Variants in NUDCD3 observed in about 807,000 individuals in gnomAD.
NUDCD3 encodes nudC domain-containing protein 3.
NUDCD3 carries 13 observed loss-of-function variants against 39.7 expected under a neutral mutation model. The ratio of observed to expected loss-of-function variants is 0.33; its 90% CI spans 0.21 to 0.52. The LOEUF (loss-of-function observed/expected upper bound fraction) is 0.52, where lower values mean the gene tolerates loss of function less well. Among genes scored for constraint, NUDCD3 ranks in the 20% least tolerant of loss-of-function variants. The pLI is 0.96. For missense variants in NUDCD3, 453 were observed against 458.1 expected (o/e 0.99, Z 0.10); for synonymous variants, 175 against 172.4 (o/e 1.02, Z -0.12).
chr7:44,459,009 T>G (rs529463227), intron 2 of NUDCD3, among the ~76,000 whole-genome samples: 1 of 151,386 alleles, frequency 6.6e-6, no homozygotes, highest in South Asian at 2.1e-4. Context: ...TACAAGCATG[T>G]GTATGAGCCT....
At chr7:44,426,795 C>CAAA (rs777817601) in intron 3 of NUDCD3, among the ~76,000 whole-genome samples, 3 of 54,770 alleles carry the variant, frequency 5.5e-5, no homozygotes, top group South Asian at 5.8e-4. Context: ...GACTCCGTCT[C>CAAA]AAAAAAAAAA....
intron 3 of NUDCD3, among the ~76,000 whole-genome samples, chr7:44,407,810 A>G (rs1292483112): frequency 6.6e-6 from 1 of 152,198 alleles, no homozygotes; most frequent in Non-Finnish European, 1.5e-5. Flanking sequence ...ACAGTAGCTA[A>G]AATTAAACTT....
rs146979200 is a variant in NUDCD3 at position 44,423,879 on chromosome 7, C to T, written c.642+3692G>A. Among the ~76,000 whole-genome samples the T allele has an allele frequency of 6.2e-3, 940 of 152,266 alleles. 7 individuals are homozygous for T. Among genetic ancestry groups the T allele is most frequent in the African/African-American group, 0.022 (898 of 41,544 alleles). ...GAACAAGGCTGAAGGCATCATGCTA[C>T]CTGACTTCAAACTATACTACAAGGC... On this transcript the variant is annotated intron_variant, in intron 3 of 5. Coordinates refer to ENST00000355451, the MANE Select transcript of NUDCD3 (RefSeq NM_015332.4).
rs188457839 is a variant in NUDCD3 at position 44,425,086 on chromosome 7, G to A, written c.642+2485C>T. Among the ~76,000 whole-genome samples the A allele has an allele frequency of 2.0e-5, 3 of 152,200 alleles. No homozygotes were observed. The East Asian group carries it at 5.8e-4, about 29-fold the overall frequency. On this transcript the variant is annotated intron_variant, in intron 3 of 5. Transcript: ENST00000355451. ...ATGTTCTCACTCATAAGTGAGAGTTGAACAATGAAAACACATGGACACAGG... is the reference window on the plus strand; with the variant it reads ...ATGTTCTCACTCATAAGTGAGAGTTAAACAATGAAAACACATGGACACAGG...
At chr7:44,406,914 C>T (rs919164224) in intron 3 of NUDCD3, among the ~76,000 whole-genome samples, 3 of 152,078 alleles carry the variant, frequency 2.0e-5, no homozygotes, top group Non-Finnish European at 4.4e-5. Context: ...AGTTGGGAGT[C>T]GGCAGGTATG....
intron 2 of NUDCD3, among the ~76,000 whole-genome samples, chr7:44,475,039 C>T (rs1800335318): frequency 6.6e-6 from 1 of 152,106 alleles, no homozygotes; most frequent in South Asian, 2.1e-4. Flanking sequence ...TACTATGCAG[C>T]ATATGCCCTC....
At chr7:44,458,935 G>GGT in intron 2 of NUDCD3, among the ~76,000 whole-genome samples, 1 of 50,138 alleles carries the variant, frequency 2.0e-5, no homozygotes, top group Non-Finnish European at 3.8e-5. Flanking sequence ...GACGGGGAGT[G>GGT]CTGTGTGTGT....
chr7:44,481,874 G>A (rs1327216055), intron 2 of NUDCD3, among the ~76,000 whole-genome samples: 1 of 152,138 alleles, frequency 6.6e-6, no homozygotes, highest in Non-Finnish European at 1.5e-5. Flanking sequence ...TAAAAGATTT[G>A]AGAGAGTTCT....
Position 44,382,384 on chromosome 7 carries a change from G to A in NUDCD3, c.*3627C>T, listed in dbSNP as rs973107648. 1 of 152,182 alleles carries A rather than the reference G, an allele frequency of 6.6e-6. No homozygotes were observed. The highest frequency in any genetic ancestry group is 2.4e-5 in the African/African-American group (1 of 41,444). 9.4% of individuals were successfully genotyped at this position (152,182 alleles called of 1,614,324 possible). ...ATCCATATTAGTGTGAGCTGGGTGA[G>A]TAGTTTAGTCTGAAATGACAGAATA... On this transcript the variant is annotated 3_prime_UTR_variant, in exon 6 of 6. Coordinates refer to ENST00000355451, the MANE Select transcript of NUDCD3 (RefSeq NM_015332.4).
intron 2 of NUDCD3, among the ~76,000 whole-genome samples, chr7:44,433,809 T>C (rs527595560): frequency 9.7e-4 from 147 of 152,234 alleles, no homozygotes; most frequent in Non-Finnish European, 1.8e-3. Context: ...AACAACCTCA[T>C]ATGGCTCCCC....
chr7:44,394,409 A>G (rs539370068), intron 4 of NUDCD3, among the ~76,000 whole-genome samples: 1 of 152,228 alleles, frequency 6.6e-6, no homozygotes, highest in Non-Finnish European at 1.5e-5. Context: ...AGACCCCAAC[A>G]CTACAAACTC....
chr7:44,386,729 T>C (rs1798409403), intron 5 of NUDCD3, among the ~76,000 whole-genome samples: 1 of 152,238 alleles, frequency 6.6e-6, no homozygotes, highest in Non-Finnish European at 1.5e-5. Flanking sequence ...TCCTTGCAGA[T>C]GCAGTCAGAG....
chr7:44,412,536 C>T (rs1245008152), intron 3 of NUDCD3, among the ~76,000 whole-genome samples: 2 of 152,186 alleles, frequency 1.3e-5, no homozygotes, highest in Non-Finnish European at 2.9e-5. Flanking sequence ...CTATGTTAGG[C>T]TGTTGGTTAT....
intron 2 of NUDCD3, among the ~76,000 whole-genome samples, chr7:44,450,168 A>G (rs1263573077): frequency 1.3e-5 from 2 of 151,844 alleles, no homozygotes; most frequent in African/African-American, 2.4e-5. Context: ...CTGAACCTAT[A>G]AGAATGTCTA....
rs182519032 is a variant in NUDCD3, at chr7:44,407,364, G to A, written c.643-2781C>T. ...GCAGATCACCTAAGGTTGACAGTTC[G>A]AGACCAGCCTGACCAACATGGAGAA... On this transcript the variant is annotated intron_variant, in intron 3 of 5. Coordinates refer to ENST00000355451, the MANE Select transcript of NUDCD3 (RefSeq NM_015332.4). 1.6e-4 allele frequency among the ~76,000 whole-genome samples: 24 copies of A among 151,726 alleles called. No individual in the cohort carries two copies. The South Asian group carries it at 3.1e-3, about 20-fold the overall frequency.
chr7:44,391,296 C>T (rs1392362143), intron 5 of NUDCD3, among the ~76,000 whole-genome samples: 1 of 152,218 alleles, frequency 6.6e-6, no homozygotes, highest in Non-Finnish European at 1.5e-5. Flanking sequence ...TGTTGACACT[C>T]CTCTCCGCAG....
chr7:44,471,416 G>C (rs1044165947), intron 2 of NUDCD3, among the ~76,000 whole-genome samples: 1 of 152,152 alleles, frequency 6.6e-6, no homozygotes, highest in African/African-American at 2.4e-5. Context: ...TGCAGATGTG[G>C]AACCGAAGGA....
chr7:44,490,592 T>C lies in NUDCD3; in HGVS notation c.9A>G (p.Thr3=), dbSNP rs776967886. The change falls in exon 1 of 6, where the codon ACA becomes ACG. Residue 3 remains threonine, a synonymous_variant. Transcript: ENST00000355451. ...CCTGGTCATACAGCTCGGCCGCCCC[T>C]GTCTCCATGTCGCCTCCCGCCCTAG... ME[T]GAAELYDQAL... is the part of the protein sequence containing the mutation. 15 of 1,606,760 alleles carry C rather than the reference T, an allele frequency of 9.3e-6. No homozygotes were observed. The highest frequency in any genetic ancestry group is 9.0e-5 in the East Asian group (4 of 44,384).
chr7:44,445,968 T>C (rs1051915169), intron 2 of NUDCD3, among the ~76,000 whole-genome samples: 1 of 152,200 alleles, frequency 6.6e-6, no homozygotes, highest in African/African-American at 2.4e-5. Context: ...GCTTTGCTCA[T>C]CAGTAAAGTC....
Sources: gnomAD v4.1 joint callset for allele counts (sites outside exome capture counted in the v4.1 genomes callset) on GRCh38, gnomAD v4.1.1 for gene constraint, MANE v1.5 for transcripts, NCBI Gene and HGNC (gene_info 2026-07-23, HGNC 2026-07-21) for gene names.